DISP1: variants seen among roughly 807,000 people sequenced by gnomAD.
The protein encoded by DISP1 is protein dispatched homolog 1.
In DISP1, 30 loss-of-function variants were observed where a neutral mutation model predicts 37.3. The ratio of observed to expected loss-of-function variants is 0.80; its 90% CI spans 0.60 to 1.09. DISP1 has a LOEUF of 1.09. DISP1 is among the 50% of genes least tolerant of loss of function. The probability of loss-of-function intolerance (pLI) is 0.00; values close to 1 mark genes in which losing one functional copy is unlikely to be tolerated. For synonymous variants in DISP1, 634 were observed against 690.2 expected, an observed-to-expected ratio of 0.92 and a Z score of 1.28; for missense variants, 1,598 against 1,879.5, an observed-to-expected ratio of 0.85 and a Z score of 2.77.
chr1:222,986,761 A>T (rs1678304716), intron 4 of DISP1, among the ~76,000 whole-genome samples: 1 of 152,200 alleles, frequency 6.6e-6, no homozygotes, highest in Non-Finnish European at 1.5e-5. Flanking sequence ...CCCTGTAAAG[A>T]GTTGTGGTCC....
chr1:222,937,927 G>A (rs984178619), intron 2 of DISP1, among the ~76,000 whole-genome samples: 2 of 150,774 alleles, frequency 1.3e-5, no homozygotes. Flanking sequence ...AGGCTGGAAT[G>A]CAGTGGTGTG....
rs554385202 is a variant in DISP1, at chr1:222,860,252, C to G, written c.-159+45174C>G. Among the ~76,000 whole-genome samples, 30 of 152,244 alleles carry G rather than the reference C, an allele frequency of 2.0e-4. No individual in the cohort carries two copies. The South Asian group carries it at 6.2e-3, about 32-fold the overall frequency. ...TATCTTTAGTAGAGACAGGGTTTCT[C>G]CATGTTGGTCAGGCTGGTCTTGAAC... On this transcript the variant is annotated intron_variant, in intron 1 of 8. Coordinates refer to ENST00000675850, the MANE Select transcript of DISP1 (RefSeq NM_001377229.1).
intron 1 of DISP1, among the ~76,000 whole-genome samples, chr1:222,820,843 T>C (rs1301549104): frequency 1.3e-5 from 2 of 152,340 alleles, no homozygotes; most frequent in East Asian, 1.9e-4. Flanking sequence ...TTTATTTTAC[T>C]GTATCATGCA....
At chr1:222,826,920 C>G (rs912689776) in intron 1 of DISP1, among the ~76,000 whole-genome samples, 1 of 152,154 alleles carries the variant, frequency 6.6e-6, no homozygotes, top group Non-Finnish European at 1.5e-5. Context: ...AATAATACAG[C>G]CCCTATTTAA....
chr1:222,920,410 C>A (rs1672749253), intron 1 of DISP1, among the ~76,000 whole-genome samples: 1 of 152,136 alleles, frequency 6.6e-6, no homozygotes, highest in Non-Finnish European at 1.5e-5. Context: ...AATCATAGTG[C>A]AGCACAGATT....
chr1:222,830,046 T>G (rs1246298185), intron 1 of DISP1, among the ~76,000 whole-genome samples: 1 of 152,210 alleles, frequency 6.6e-6, no homozygotes, highest in Non-Finnish European at 1.5e-5. Context: ...TTGTAAGTTG[T>G]GATGTTCAGT....
chr1:222,931,330 A>G lies in DISP1; in HGVS notation c.-18+2760A>G, dbSNP rs184436559. ...GGCTGCTAAGTTTTGAGGTTTTGAC[A>G]TGTGTGAAGTATTAAACATCCATGG... On this transcript the variant is annotated intron_variant, in intron 2 of 8. Transcript: ENST00000675850. Among the ~76,000 whole-genome samples, 849 of 151,086 alleles carry G rather than the reference A, an allele frequency of 5.6e-3. 7 individuals carry two copies. The highest frequency in any genetic ancestry group is 0.02 in the African/African-American group (806 of 41,198).
At position 222,816,072 on chromosome 1, in the gene DISP1, A is replaced by AATATATATATATATAT. The variant is rs68057775; in HGVS notation, c.-159+1010_-159+1025dup. Among the ~76,000 whole-genome samples, 3 of 144,122 alleles carry AATATATATATATATAT rather than the reference A, an allele frequency of 2.1e-5. No individual in the cohort carries two copies. In the Admixed American group the frequency reaches 2.1e-4, roughly 10 times the overall value. 94.5% of individuals were successfully genotyped at this position (144,122 alleles called of 152,430 possible). On this transcript the variant is annotated intron_variant, in intron 1 of 8. Coordinates refer to ENST00000675850, the MANE Select transcript of DISP1 (RefSeq NM_001377229.1). The stretch of plus-strand genomic sequence containing the variant: ...TTCCTTTTTATTTCTGCTGTAAGGA[A>AATATATATATATATAT]ATATATATATATATATATATATATA...
intron 7 of DISP1, 65 bp downstream of exon 7, chr1:222,992,175 C>A: frequency 7.8e-7 from 1 of 1,275,508 alleles, no homozygotes; most frequent in Non-Finnish European, 1.1e-6. Flanking sequence ...TGAACATGAT[C>A]ACAGTCTAGA....
In DISP1 at chr1:223,005,350, C is replaced by T. The variant is rs760092614; in HGVS notation, c.3953C>T (p.Thr1318Ile). The stretch of plus-strand genomic sequence containing the variant: ...AACGGCGTGGCACCTCTGAAGGCCA[C>T]ACACCAAGCTGTCGAGGGCTTTGTG... ...IQNGVAPLKA[T>I]HQAVEGFVHP... is the part of the protein sequence containing the mutation. The change falls in exon 9 of 9, where the codon ACA becomes ATA. Residue 1318 changes from threonine (T) to isoleucine (I), a missense_variant. Transcript: ENST00000675850. The T allele has an allele frequency of 1.9e-6, 3 of 1,613,620 alleles. No homozygotes were observed. The highest frequency in any genetic ancestry group is 2.5e-6 in the Non-Finnish European group (3 of 1,180,032).
intron 1 of DISP1, among the ~76,000 whole-genome samples, chr1:222,901,675 C>T (rs1671595326): frequency 6.6e-6 from 1 of 152,068 alleles, no homozygotes; most frequent in Admixed American, 6.6e-5. Context: ...TTGCAGGCAT[C>T]CACCACAATA....
intron 1 of DISP1, among the ~76,000 whole-genome samples, chr1:222,819,880 A>ATT (rs75976907): frequency 1.3e-5 from 2 of 151,604 alleles, no homozygotes; most frequent in African/African-American, 4.9e-5. Context: ...GGTGTTTAAA[A>ATT]TTTTTTTTTA....
intron 1 of DISP1, among the ~76,000 whole-genome samples, chr1:222,897,592 G>A (rs1441370560): frequency 1.3e-5 from 2 of 152,088 alleles, no homozygotes; most frequent in Non-Finnish European, 2.9e-5. Flanking sequence ...TTTATGAGGA[G>A]TTGTACTGTA....
intron 1 of DISP1, among the ~76,000 whole-genome samples, chr1:222,824,266 A>T (rs1572153908): frequency 6.6e-6 from 1 of 152,142 alleles, no homozygotes; most frequent in East Asian, 1.9e-4. Context: ...GCCTCTATTT[A>T]TTGATCATAT....
At chr1:222,838,251 C>T (rs1667368026) in intron 1 of DISP1, among the ~76,000 whole-genome samples, 1 of 151,960 alleles carries the variant, frequency 6.6e-6, no homozygotes, top group Non-Finnish European at 1.5e-5. Context: ...ATTATGATTA[C>T]ATTTACTGTT....
At chr1:222,850,490 T>C (rs1668163296) in intron 1 of DISP1, among the ~76,000 whole-genome samples, 1 of 152,172 alleles carries the variant, frequency 6.6e-6, no homozygotes, top group African/African-American at 2.4e-5. Context: ...GTTTGTTACA[T>C]AGGTAAACAT....
At chr1:222,894,764 C>T (rs957262377) in intron 1 of DISP1, among the ~76,000 whole-genome samples, 3 of 152,236 alleles carry the variant, frequency 2.0e-5, no homozygotes, top group Non-Finnish European at 4.4e-5. Context: ...GGAACAGGCA[C>T]CACGAACCCG....
In DISP1 at chr1:223,002,417, C is replaced by T; in HGVS notation, c.1020C>T (p.Cys340=). The T allele has an allele frequency of 1.9e-6, 3 of 1,614,096 alleles. No homozygotes were observed. The highest frequency in any genetic ancestry group is 2.5e-6 in the Non-Finnish European group (3 of 1,180,014). ...IRSHPQFGDL[C]QRTTAASCCP... Reference sequence around the variant, plus strand: ...CTCATCCCCAGTTTGGTGATCTCTGCCAGAGGACCACTGCTGCCTCCTGCT... The same window carrying T: ...CTCATCCCCAGTTTGGTGATCTCTGTCAGAGGACCACTGCTGCCTCCTGCT... The change falls in exon 9 of 9, where the codon TGC becomes TGT. Residue 340 remains cysteine (C), a synonymous_variant. Coordinates refer to ENST00000675850, the MANE Select transcript of DISP1 (RefSeq NM_001377229.1).
rs1671039053 is a variant in DISP1 at position 222,893,328 on chromosome 1, T to C, written c.-158-35102T>C. On this transcript the variant is annotated intron_variant, in intron 1 of 8. Transcript: ENST00000675850. This position sits in a 1 kb window ranked among gnomAD's most constrained non-coding sequence, Gnocchi z 4.3. ...GTCATGGGATCCTTGGGATGTTACT[T>C]CGCCAACTGGAAACCTCTGTAGCTG... 6.6e-6 allele frequency among the ~76,000 whole-genome samples: 1 copy of C among 152,248 alleles called. No individual in the cohort carries two copies.
Sources: allele counts gnomAD v4.1 joint callset (sites outside exome capture counted in the v4.1 genomes callset), GRCh38; gene constraint gnomAD v4.1.1; non-coding constraint Gnocchi (gnomAD v3.1); transcripts MANE v1.5; gene names NCBI Gene and HGNC (gene_info 2026-07-23, HGNC 2026-07-21).